TUT1: variants seen among roughly 807,000 people sequenced by gnomAD.
TUT1 encodes terminal uridylyl transferase 1, U6 snRNA-specific.
A neutral mutation model predicts 48.8 loss-of-function variants in TUT1; 26 were observed. That is an observed-to-expected ratio of 0.53 (90% CI 0.39 to 0.74). TUT1 has a LOEUF of 0.74. Ranked by LOEUF, TUT1 falls within the 30% of genes least tolerant of loss-of-function variation. The pLI is 0.00. For synonymous variants in TUT1, 470 were observed against 460.8 expected (o/e 1.02, Z -0.26); for missense variants, 1,065 against 1,114.8 (o/e 0.96, Z 0.64).
At chr11:62,586,170 C>T (rs1183243806) in intron 2 of TUT1, among the ~76,000 whole-genome samples, 1 of 152,210 alleles carries the variant, frequency 6.6e-6, no homozygotes, top group African/African-American at 2.4e-5. Flanking sequence ...CATTTTTGTC[C>T]TCTCAACACC....
intron 8 of TUT1, 93 bp downstream of exon 8, chr11:62,576,564 G>A (rs1941731614): frequency 8.8e-7 from 1 of 1,141,444 alleles, no homozygotes. Flanking sequence ...GGCTTTCTGT[G>A]AGAACCATGC....
Position 62,575,680 on chromosome 11 carries a change from C to T in TUT1, c.2039G>A (p.Cys680Tyr). ...CCTGTCTTCCCCACCGTCCCCTGCA[C>T]ATCCCTGCTGCTCCTCTTTCCCCTC... is the stretch of plus-strand genomic sequence containing the variant. Reference protein sequence around the residue: ...CEEGKEEQQGCAGDGGEDRVE... With the variant: ...CEEGKEEQQGYAGDGGEDRVE... Residue 680 changes from cysteine (C) to tyrosine (Y), a missense_variant, in exon 9 of 9, where the codon TGT (cysteine) becomes TAT (tyrosine). Cys to Tyr is a radical substitution (Grantham distance 194). Transcript: ENST00000476907. 2 of 1,614,230 alleles carry T rather than the reference C, an allele frequency of 1.2e-6. No individual in the cohort carries two copies. Among genetic ancestry groups the T allele is most frequent in the South Asian group, 2.2e-5 (2 of 91,090 alleles).
At position 62,581,163 on chromosome 11, in the gene TUT1, A is replaced by T; in HGVS notation, c.633T>A (p.Asp211Glu). The change falls in exon 4 of 9, where the codon GAT becomes GAA. Residue 211 changes from aspartate (D) to glutamate (E), a missense_variant. By Grantham distance (45) the Asp-to-Glu change is conservative. Coordinates refer to ENST00000476907, the MANE Select transcript of TUT1 (RefSeq NM_022830.3). ...AGAGGTCAAGATCACAGCCATGGAC[A>T]TCGAAGCTATTTATGGAAGAGCCAA... Reference protein sequence around the residue: ...HPFGSSINSFDVHGCDLDLFL... With the variant: ...HPFGSSINSFEVHGCDLDLFL... 6.2e-7 allele frequency: 1 copy of T among 1,614,188 alleles called. No homozygotes were observed. The highest frequency in any genetic ancestry group is 2.2e-5 in the East Asian group (1 of 44,876).
intron 2 of TUT1, among the ~76,000 whole-genome samples, chr11:62,586,355 A>C (rs550570165): frequency 6.6e-6 from 1 of 152,314 alleles, no homozygotes; most frequent in East Asian, 1.9e-4. Flanking sequence ...CCTCACAAGC[A>C]GTGTCTTAAA....
chr11:62,578,113 C>T (rs954385401), intron 5 of TUT1, among the ~76,000 whole-genome samples: 2 of 146,956 alleles, frequency 1.4e-5, no homozygotes, highest in African/African-American at 5.1e-5. Context: ...ACACACTTTA[C>T]AAACACTGAA....
intron 2 of TUT1, among the ~76,000 whole-genome samples, chr11:62,588,632 G>A (rs976675224): frequency 6.6e-6 from 1 of 152,198 alleles, no homozygotes; most frequent in South Asian, 2.1e-4. Flanking sequence ...AGCCACATTA[G>A]GAACCAGCTC....
At position 62,575,100 on chromosome 11, in the gene TUT1, G is replaced by T; in HGVS notation, c.2619C>A (p.Leu873=). 1 of 1,562,380 alleles carries T rather than the reference G, an allele frequency of 6.4e-7. No individual in the cohort carries two copies. The highest frequency in any genetic ancestry group is 1.2e-5 in the South Asian group (1 of 83,292). The change falls in exon 9 of 9, where the codon CTC becomes CTA. Residue 873 remains leucine (L), a synonymous_variant. Coordinates refer to ENST00000476907, the MANE Select transcript of TUT1 (RefSeq NM_022830.3). ...CCCTTCAGGGGCCATGTCTTCACTT[G>T]AGATGTCGAATTGCTTGAGGGAGGA... ...QVFLPQAIRH[L]K is the part of the protein sequence containing the mutation.
At position 62,578,543 on chromosome 11, in the gene TUT1, C is replaced by A; in HGVS notation, c.1160+18G>T. Reference sequence around the variant, plus strand: ...CTGGGCAACGAGTGAAATGTCGTCTCAAAAAAAAGAAAGGTACCGGTTACT... The same window carrying A: ...CTGGGCAACGAGTGAAATGTCGTCTAAAAAAAAAGAAAGGTACCGGTTACT... On this transcript the variant is annotated intron_variant, in intron 5 of 8. Coordinates refer to ENST00000476907, the MANE Select transcript of TUT1 (RefSeq NM_022830.3). 1 of 1,559,964 alleles carries A rather than the reference C, an allele frequency of 6.4e-7. No homozygotes were observed. The highest frequency in any genetic ancestry group is 1.2e-5 in the South Asian group (1 of 83,440).
chr11:62,577,333 T>G (rs1278488229), intron 5 of TUT1, 42 bp from the exon 6 acceptor site: 2 of 1,501,364 alleles, frequency 1.3e-6, no homozygotes, highest in Admixed American at 3.9e-5. Context: ...CTTGGGGATG[T>G]CAGAACCTAC....
At position 62,578,543 on chromosome 11, in the gene TUT1, CA is replaced by C. The variant is rs750089970; in HGVS notation, c.1160+17del. 1.3e-5 allele frequency: 20 copies of C among 1,559,766 alleles called. No homozygotes were observed. The highest frequency in any genetic ancestry group is 3.8e-5 in the Admixed American group (2 of 52,514). ...CTGGGCAACGAGTGAAATGTCGTCT[CA>C]AAAAAAAGAAAGGTACCGGTTACTG... On this transcript the variant is annotated intron_variant, in intron 5 of 8. Transcript: ENST00000476907.
Position 62,581,402 on chromosome 11 carries a change from G to A in TUT1, c.573C>T (p.Phe191=), listed in dbSNP as rs770710761. 7 of 1,605,024 alleles carry A rather than the reference G, an allele frequency of 4.4e-6. No homozygotes were observed. The South Asian group carries it at 7.8e-5, about 18-fold the overall frequency. ...GTAACTTACCAGGGAAGAACTCTGT[G>A]AAGACCTCCTGCATCAGGGCCACCA... ...SLVVALMQEV[F]TEFFPGCVVH... The change falls in exon 3 of 9, where the codon TTC becomes TTT. Residue 191 remains phenylalanine, a synonymous_variant. Coordinates refer to ENST00000476907, the MANE Select transcript of TUT1 (RefSeq NM_022830.3).
rs759775338 is a variant in TUT1 at position 62,576,754 on chromosome 11, GA to G, written c.1382-6del. 6 of 1,613,980 alleles carry G rather than the reference GA, an allele frequency of 3.7e-6. No homozygotes were observed. The Admixed American group carries it at 8.3e-5, about 22-fold the overall frequency. ...CTTCCACCTGTTCCCCCTCTCCTGT[GA>G]AAGTAAATAAGGTGAGAGTCAGTCT... On this transcript the variant is annotated splice_region_variant and splice_polypyrimidine_tract_variant and intron_variant, in intron 7 of 8. Transcript: ENST00000476907.
intron 5 of TUT1, among the ~76,000 whole-genome samples, 187 bp downstream of exon 5, chr11:62,578,374 C>T (rs531207016): frequency 1.1e-4 from 17 of 152,040 alleles, no homozygotes; most frequent in African/African-American, 4.1e-4. Context: ...GGAGAAACCC[C>T]GTCTCTACTA....
In TUT1 at chr11:62,591,498, G is replaced by C. The variant is rs144931056; in HGVS notation, c.-13C>G. ...CCACCGCCGCCATAGCGACTCTCCT[G>C]TACCGACAAAAACACAAGCACCTCT... is the stretch of plus-strand genomic sequence containing the variant. On this transcript the variant is annotated 5_prime_UTR_variant, in exon 1 of 9. Transcript: ENST00000476907. 3 of 1,613,878 alleles carry C rather than the reference G, an allele frequency of 1.9e-6. No homozygotes were observed. Among genetic ancestry groups the C allele is most frequent in the Non-Finnish European group, 2.5e-6 (3 of 1,179,958 alleles).
chr11:62,575,349 C>T lies in TUT1; in HGVS notation c.2370G>A (p.Lys790=), dbSNP rs1941701982. 2 of 1,614,032 alleles carry T rather than the reference C, an allele frequency of 1.2e-6. No homozygotes were observed. Among genetic ancestry groups the T allele is most frequent in the African/African-American group, 1.3e-5 (1 of 75,062 alleles). Residue 790 remains lysine (K), a synonymous_variant, in exon 9 of 9, where the codon AAG becomes AAA. Coordinates refer to ENST00000476907, the MANE Select transcript of TUT1 (RefSeq NM_022830.3). The part of the protein sequence containing the change: ...RARRRLQQQT[K]EGAGGGAGTR... ...TGCCAGCGCCACCTCCAGCTCCCTCCTTGGTTTGCTGCTGCAAGCGTCTAC... is the reference window on the plus strand; with the variant it reads ...TGCCAGCGCCACCTCCAGCTCCCTCTTTGGTTTGCTGCTGCAAGCGTCTAC...
chr11:62,588,984 G>A (rs746155697), intron 2 of TUT1, 47 bp downstream of exon 2: 20 of 1,549,224 alleles, frequency 1.3e-5, no homozygotes, highest in Admixed American at 1.7e-5. Context: ...GTGAGCCATC[G>A]CGCCCAGCAC....
chr11:62,576,543 G>C, intron 8 of TUT1, 114 bp downstream of exon 8: 2 of 940,264 alleles, frequency 2.1e-6, no homozygotes, highest in Non-Finnish European at 3.3e-6. Context: ...AATAATATTA[G>C]GTATCTCACA....
chr11:62,588,924 C>T, intron 2 of TUT1, 107 bp downstream of exon 2: 2 of 1,066,242 alleles, frequency 1.9e-6, no homozygotes, highest in African/African-American at 1.6e-5. Context: ...AAACTCCTAA[C>T]CTCAGGTAAT....
intron 2 of TUT1, among the ~76,000 whole-genome samples, chr11:62,587,589 C>T (rs1189005963): frequency 6.6e-6 from 1 of 152,306 alleles, no homozygotes. Flanking sequence ...AATGGCAGAG[C>T]AGGAAAACAG....
Sources: gnomAD v4.1 joint callset for allele counts (sites outside exome capture counted in the v4.1 genomes callset) on GRCh38, gnomAD v4.1.1 for gene constraint, MANE v1.5 for transcripts, NCBI Gene and HGNC (gene_info 2026-07-23, HGNC 2026-07-21) for gene names.